Variants in CDC42SE2 observed in about 807,000 individuals in gnomAD.
The protein encoded by CDC42SE2 is CDC42 small effector 2.
CDC42SE2 carries 3 observed loss-of-function variants against 11.5 expected under a neutral mutation model. That is an observed-to-expected ratio of 0.26 (90% CI 0.12 to 0.67). The LOEUF is 0.67. Among genes scored for constraint, CDC42SE2 ranks in the 30% least tolerant of loss-of-function variants. CDC42SE2 has a pLI of 0.80. For synonymous variants in CDC42SE2, 33 were observed against 34.8 expected, an observed-to-expected ratio of 0.95 and a Z score of 0.18; for missense variants, 82 against 106.8, an observed-to-expected ratio of 0.77 and a Z score of 1.02.
chr5:131,378,361 AGATT>A (rs142214574), intron 3 of CDC42SE2, among the ~76,000 whole-genome samples: 3,388 of 152,308 alleles, frequency 0.022, 54 homozygotes, highest in Middle Eastern at 0.041. Context: ...ACTGTGAACT[AGATT>A]GATTAACTTG....
chr5:131,339,965 A>G (rs1435954698), intron 2 of CDC42SE2, among the ~76,000 whole-genome samples: 1 of 152,238 alleles, frequency 6.6e-6, no homozygotes, highest in Non-Finnish European at 1.5e-5. Flanking sequence ...ATCAGAGCCA[A>G]GTACGAAGAC....
chr5:131,234,086 T>C, the CDC42SE2 span, among the ~76,000 whole-genome samples: 3 of 152,346 alleles, frequency 2.0e-5, no homozygotes, highest in South Asian at 6.2e-4. Flanking sequence ...GTAAATGAAA[T>C]GACGAAGTTT....
intron 2 of CDC42SE2, among the ~76,000 whole-genome samples, chr5:131,333,624 G>C (rs1194593474): frequency 1.3e-5 from 2 of 152,094 alleles, no homozygotes; most frequent in Non-Finnish European, 2.9e-5. Flanking sequence ...CCATTTGTTT[G>C]TATCCTCTTT....
chr5:131,373,944 A>G (rs761919055), intron 3 of CDC42SE2, among the ~76,000 whole-genome samples: 1 of 152,220 alleles, frequency 6.6e-6, no homozygotes, highest in African/African-American at 2.4e-5. Context: ...AATGTAAAGT[A>G]GAAGGGAAAA....
At chr5:131,293,085 G>A (rs1053218757) in intron 1 of CDC42SE2, among the ~76,000 whole-genome samples, 6 of 151,974 alleles carry the variant, frequency 3.9e-5, no homozygotes, top group Non-Finnish European at 5.9e-5. Context: ...GAATATTTGC[G>A]TCTCTCTTCC....
chr5:131,367,041 T>TA (rs1554065462), intron 3 of CDC42SE2, among the ~76,000 whole-genome samples: 4 of 150,594 alleles, frequency 2.7e-5, no homozygotes, highest in African/African-American at 7.3e-5. Flanking sequence ...AACAAATTTT[T>TA]TATATATATA....
chr5:131,334,678 C>A (rs950234494), intron 2 of CDC42SE2, among the ~76,000 whole-genome samples: 3 of 152,138 alleles, frequency 2.0e-5, no homozygotes, highest in Non-Finnish European at 2.9e-5. Flanking sequence ...TCAACTTCTT[C>A]CTGGTTTAGT....
At chr5:131,268,131 C>G (rs572207570) in intron 1 of CDC42SE2, among the ~76,000 whole-genome samples, 1 of 136,292 alleles carries the variant, frequency 7.3e-6, no homozygotes, top group Non-Finnish European at 1.5e-5. Context: ...GGCGCAATCT[C>G]GGCTCACTGC....
chr5:131,384,169 A>G (rs1195069667), intron 3 of CDC42SE2, among the ~76,000 whole-genome samples: 2 of 152,260 alleles, frequency 1.3e-5, no homozygotes, highest in Non-Finnish European at 1.5e-5. Flanking sequence ...GATGAATAAC[A>G]TAAATATTTC....
chr5:131,306,825 C>G (rs879944085), intron 1 of CDC42SE2, among the ~76,000 whole-genome samples: 1 of 152,024 alleles, frequency 6.6e-6, no homozygotes, highest in Admixed American at 6.6e-5. Context: ...TAAATTTAAT[C>G]CTAAATATAT....
chr5:131,303,174 TTAAG>T (rs1255564250), intron 1 of CDC42SE2, among the ~76,000 whole-genome samples: 3 of 152,214 alleles, frequency 2.0e-5, no homozygotes, highest in Non-Finnish European at 4.4e-5. Context: ...ATTGTACTAA[TTAAG>T]TGATTTTAAG....
At chr5:131,245,901 A>T (rs1032704791) in intron 1 of CDC42SE2, among the ~76,000 whole-genome samples, 3 of 152,182 alleles carry the variant, frequency 2.0e-5, no homozygotes, top group African/African-American at 7.2e-5. Context: ...CAGCTAAATG[A>T]ATTCAATACT....
At chr5:131,292,970 T>A (rs1368155424) in intron 1 of CDC42SE2, among the ~76,000 whole-genome samples, 3 of 150,980 alleles carry the variant, frequency 2.0e-5, no homozygotes, top group Admixed American at 6.6e-5. Flanking sequence ...AGAACATAGT[T>A]GTTCATTTGA....
chr5:131,215,026 C>T, the CDC42SE2 span, among the ~76,000 whole-genome samples: 1 of 152,206 alleles, frequency 6.6e-6, no homozygotes, highest in African/African-American at 2.4e-5. Flanking sequence ...GTAAGGACCT[C>T]AGGGACAGTC....
At chr5:131,286,014 A>G (rs535667920) in intron 1 of CDC42SE2, among the ~76,000 whole-genome samples, 3 of 151,936 alleles carry the variant, frequency 2.0e-5, no homozygotes, top group Non-Finnish European at 4.4e-5. Context: ...TGCATTTCCA[A>G]TACTAACTGT....
At position 131,393,521 on chromosome 5, in the gene CDC42SE2, T is replaced by G. The variant is rs1488617496; in HGVS notation, c.*2430T>G. The G allele has an allele frequency of 6.6e-6, 1 of 152,378 alleles. No individual in the cohort carries two copies. The highest frequency in any genetic ancestry group is 1.5e-5 in the Non-Finnish European group (1 of 68,046). The allele number at this position is 152,378 out of a possible 1,614,324, so 9.4% of individuals were successfully genotyped here. A position where few individuals can be genotyped will look rare whatever the true frequency, so the allele number is the denominator to read the frequency against. On this transcript the variant is annotated 3_prime_UTR_variant, in exon 5 of 5. Transcript: ENST00000505065. ...GTTGAATTCATCCATTGTCACTGATTCACCAAGTGGATGTTGCATTGTGGA... is the reference window on the plus strand; with the variant it reads ...GTTGAATTCATCCATTGTCACTGATGCACCAAGTGGATGTTGCATTGTGGA...
rs148885839 is a variant in CDC42SE2, at chr5:131,344,328, G to A, written c.-285-14881G>A. Among the ~76,000 whole-genome samples, 837 of 152,274 alleles carry A rather than the reference G, an allele frequency of 5.5e-3. 8 individuals carry two copies. Among genetic ancestry groups the A allele is most frequent in the African/African-American group, 0.02 (815 of 41,548 alleles). On this transcript the variant is annotated intron_variant, in intron 2 of 4. Coordinates refer to ENST00000505065, the MANE Select transcript of CDC42SE2 (RefSeq NM_001375635.1). ...AATACTGCGCTTTCCAACAGCCTTA[G>A]CAAAAGGCACACCAGGAGATTATAT...
the CDC42SE2 span, among the ~76,000 whole-genome samples, chr5:131,228,829 G>A: frequency 9.2e-5 from 14 of 152,226 alleles, no homozygotes; most frequent in East Asian, 3.8e-4. Flanking sequence ...ACCAAGGAAG[G>A]CCATGTGAGG....
rs1203783998 is a variant in CDC42SE2, at chr5:131,264,106, G to A, written c.-515G>A. On this transcript the variant is annotated 5_prime_UTR_variant, in exon 1 of 5. Coordinates refer to ENST00000505065, the MANE Select transcript of CDC42SE2 (RefSeq NM_001375635.1). The stretch of plus-strand genomic sequence containing the variant: ...AGCTGCAGGCGTTGGGGCGGCAGGA[G>A]CCGCGGAGCCGGCGCTGAGAGGGGC... The A allele has an allele frequency of 3.9e-5, 6 of 152,342 alleles. No individual in the cohort carries two copies. Among genetic ancestry groups the A allele is most frequent in the African/African-American group, 1.4e-4 (6 of 41,442 alleles). The allele number at this position is 152,342 out of a possible 1,614,324, so 9.4% of individuals were successfully genotyped here.
Sources: allele counts gnomAD v4.1 joint callset (sites outside exome capture counted in the v4.1 genomes callset), GRCh38; gene constraint gnomAD v4.1.1; transcripts MANE v1.5; gene names NCBI Gene and HGNC (gene_info 2026-07-23, HGNC 2026-07-21).